HERC5: variants seen among roughly 807,000 people sequenced by gnomAD.
HERC5 encodes the protein E3 ISG15--protein ligase HERC5.
A neutral mutation model predicts 119.6 loss-of-function variants in HERC5; 99 were observed. That is an observed-to-expected ratio of 0.83 (90% CI 0.70 to 0.98). The LOEUF (loss-of-function observed/expected upper bound fraction) is 0.98, where lower values mean the gene tolerates loss of function less well. HERC5 is among the 50% of genes least tolerant of loss of function. HERC5 has a pLI of 0.00. For synonymous variants in HERC5, 478 were observed against 445.9 expected, an observed-to-expected ratio of 1.07 and a Z score of -0.91; for missense variants, 1,267 against 1,241.3, an observed-to-expected ratio of 1.02 and a Z score of -0.31.
chr4:88,457,758 C>G, intron 1 of HERC5: 1 of 658,388 alleles, frequency 1.5e-6, no homozygotes, highest in Non-Finnish European at 2.1e-6. Context: ...AGCGGATCCT[C>G]CGCTCAGCAA....
intron 13 of HERC5, 22 bp from the exon 14 acceptor site, chr4:88,486,093 C>T: frequency 6.8e-7 from 1 of 1,476,186 alleles, no homozygotes; most frequent in Non-Finnish European, 9.3e-7. Context: ...AAAACTTTTT[C>T]ACAAGTCATA....
intron 9 of HERC5, among the ~76,000 whole-genome samples, chr4:88,469,962 T>C (rs1229757094): frequency 6.6e-6 from 1 of 152,188 alleles, no homozygotes; most frequent in Non-Finnish European, 1.5e-5. Flanking sequence ...TCCCATTTGA[T>C]CCTGGAACCA....
Position 88,457,413 on chromosome 4 carries a change from G to T in HERC5, c.144G>T (p.Arg48=), listed in dbSNP as rs567054294. Residue 48 remains arginine, a synonymous_variant, in exon 1 of 23, where the codon CGG becomes CGT. Transcript: ENST00000264350. ...CGGGCCTCCACCGCGCGCTGCTCCG[G>T]AGGGTGGAGGTGACGCGCCAACTCT... ...SAAGLHRALL[R]RVEVTRQLCC... 2 of 1,379,692 alleles carry T rather than the reference G, an allele frequency of 1.4e-6. No individual in the cohort carries two copies. The highest frequency in any genetic ancestry group is 1.5e-5 in the African/African-American group (1 of 67,018). The allele number at this position is 1,379,692 out of a possible 1,614,324, so 85.5% of individuals were successfully genotyped here.
intron 16 of HERC5, among the ~76,000 whole-genome samples, chr4:88,492,755 A>G (rs904176763): frequency 9.2e-5 from 14 of 152,104 alleles, no homozygotes; most frequent in African/African-American, 3.1e-4. Context: ...CAAAAAACAA[A>G]ACAAAACAAA....
In HERC5 at chr4:88,479,457, G is replaced by A. The variant is rs1327940053; in HGVS notation, c.1687G>A (p.Glu563Lys). Reference sequence around the variant, plus strand: ...GGATTACTGGGATGAAAGTGCTGAGGAGAATGGTAATGTTCAAGCTCTCCT... The same window carrying A: ...GGATTACTGGGATGAAAGTGCTGAGAAGAATGGTAATGTTCAAGCTCTCCT... ...QLDYWDESAE[E>K]NGNVQALLEM... The change falls in exon 13 of 23, where the codon GAG (glutamate) becomes AAG (lysine). Residue 563 changes from glutamate (E) to lysine (K), a missense_variant. Transcript: ENST00000264350. The A allele has an allele frequency of 1.2e-6, 2 of 1,613,206 alleles. No individual in the cohort carries two copies. The highest frequency in any genetic ancestry group is 2.7e-5 in the African/African-American group (2 of 74,938).
chr4:88,481,322 G>C (rs949316779), intron 13 of HERC5, among the ~76,000 whole-genome samples: 10 of 152,070 alleles, frequency 6.6e-5, no homozygotes, highest in Admixed American at 1.3e-4. Flanking sequence ...CAAAGTCCTG[G>C]TATTACAGGT....
At chr4:88,503,659 A>G (rs1176484210) in intron 20 of HERC5, among the ~76,000 whole-genome samples, 2 of 152,158 alleles carry the variant, frequency 1.3e-5, no homozygotes, top group Admixed American at 6.5e-5. Context: ...GTTACACCAC[A>G]TTCATTTTGG....
intron 20 of HERC5, 94 bp downstream of exon 20, chr4:88,501,079 C>A: frequency 2.5e-6 from 2 of 787,940 alleles, no homozygotes; most frequent in African/African-American, 1.8e-5. Flanking sequence ...ATTTTTCATT[C>A]TCATTAATCA....
intron 4 of HERC5, 146 bp from the exon 5 acceptor site, chr4:88,463,386 A>G (rs562449492): frequency 4.6e-5 from 27 of 582,450 alleles, no homozygotes; most frequent in Admixed American, 1.5e-4. Flanking sequence ...GTAGAACTTG[A>G]TCCTAAACAT....
At position 88,489,300 on chromosome 4, in the gene HERC5, T is replaced by C. The variant is rs377146328; in HGVS notation, c.2097T>C (p.Ser699=). The change falls in exon 16 of 23, where the codon AGT becomes AGC. Residue 699 remains serine, a synonymous_variant. Coordinates refer to ENST00000264350, the MANE Select transcript of HERC5 (RefSeq NM_016323.4). The part of the protein sequence containing the change: ...HLIEDVLNQL[S]QFENEDLRKE... ...TTGAGGATGTTTTGAATCAGCTAAGTCAATTTGAGAATGAAGACCTGAGGA... is the reference window on the plus strand; with the variant it reads ...TTGAGGATGTTTTGAATCAGCTAAGCCAATTTGAGAATGAAGACCTGAGGA... 4.2e-5 allele frequency: 68 copies of C among 1,613,544 alleles called. 2 individuals are homozygous for C. The highest frequency in any genetic ancestry group is 2.8e-4 in the Admixed American group (17 of 59,926).
intron 2 of HERC5, among the ~76,000 whole-genome samples, 165 bp from the exon 3 acceptor site, chr4:88,459,929 TA>T (rs1459864899): frequency 6.6e-6 from 1 of 152,170 alleles, no homozygotes; most frequent in African/African-American, 2.4e-5. Context: ...TTTTCTTAAT[TA>T]AAACATAGTA....
intron 20 of HERC5, among the ~76,000 whole-genome samples, chr4:88,502,054 T>A (rs1381974381): frequency 3.9e-5 from 6 of 152,198 alleles, no homozygotes; most frequent in Non-Finnish European, 8.8e-5. Flanking sequence ...CACCTTGGCC[T>A]CCCAAAGTGC....
chr4:88,475,120 T>C (rs1741011827), intron 11 of HERC5, among the ~76,000 whole-genome samples: 1 of 148,388 alleles, frequency 6.7e-6, no homozygotes, highest in Admixed American at 6.7e-5. Flanking sequence ...ATTTTGTCTT[T>C]TTTTTTTTTT....
At chr4:88,458,722 T>C (rs977944321) in intron 1 of HERC5, among the ~76,000 whole-genome samples, 1 of 152,214 alleles carries the variant, frequency 6.6e-6, no homozygotes, top group Non-Finnish European at 1.5e-5. Context: ...GTTTAATTTT[T>C]GTGAACAAAT....
rs868176008 is a variant in HERC5, at chr4:88,492,144, C to T, written c.2134-868C>T. On this transcript the variant is annotated intron_variant, in intron 16 of 22. Coordinates refer to ENST00000264350, the MANE Select transcript of HERC5 (RefSeq NM_016323.4). ...TCAGCCTCCTGAGTAGCTGGGATTA[C>T]AGGTATGCATCACCACACCCAGCTA... 3.9e-5 allele frequency among the ~76,000 whole-genome samples: 6 copies of T among 151,978 alleles called. No individual in the cohort carries two copies. The South Asian group carries it at 8.3e-4, about 21-fold the overall frequency.
At chr4:88,492,661 G>A (rs973497490) in intron 16 of HERC5, among the ~76,000 whole-genome samples, 5 of 151,884 alleles carry the variant, frequency 3.3e-5, no homozygotes, top group Admixed American at 6.6e-5. Flanking sequence ...CAGGAGAATC[G>A]CTTAAACCCA....
At chr4:88,502,738 T>C (rs912068936) in intron 20 of HERC5, among the ~76,000 whole-genome samples, 2 of 152,228 alleles carry the variant, frequency 1.3e-5, no homozygotes, top group African/African-American at 4.8e-5. Context: ...TATAGTAGTA[T>C]TCCATTGTGG....
Position 88,485,909 on chromosome 4 carries a change from C to T in HERC5, c.1738-206C>T, listed in dbSNP as rs568539806. 7.2e-5 allele frequency among the ~76,000 whole-genome samples: 11 copies of T among 151,920 alleles called. No individual in the cohort carries two copies. In the South Asian group the frequency reaches 2.1e-3, roughly 29 times the overall value. ...AAAAATAACTAGAGGTTTATCATTACATCATCAATCTCTACTCTTAAATCT... is the reference window on the plus strand; with the variant it reads ...AAAAATAACTAGAGGTTTATCATTATATCATCAATCTCTACTCTTAAATCT... On this transcript the variant is annotated intron_variant, in intron 13 of 22. Transcript: ENST00000264350.
chr4:88,491,364 G>A (rs772670364), intron 16 of HERC5, among the ~76,000 whole-genome samples: 10 of 152,178 alleles, frequency 6.6e-5, no homozygotes, highest in Non-Finnish European at 1.5e-4. Flanking sequence ...GGTTAAATAC[G>A]TATGGGTGGT....
Sources: gnomAD v4.1 joint callset for allele counts (sites outside exome capture counted in the v4.1 genomes callset) on GRCh38, gnomAD v4.1.1 for gene constraint, MANE v1.5 for transcripts, NCBI Gene and HGNC (gene_info 2026-07-23, HGNC 2026-07-21) for gene names.